ENTPD5: variants seen among roughly 807,000 people sequenced by gnomAD.
ENTPD5 encodes nucleoside diphosphate phosphatase ENTPD5.
In ENTPD5, 49 loss-of-function variants were observed where a neutral mutation model predicts 60.2. The ratio of observed to expected loss-of-function variants is 0.81; its 90% CI spans 0.65 to 1.03. ENTPD5 has a LOEUF of 1.03. Among genes scored for constraint, ENTPD5 ranks in the 50% least tolerant of loss-of-function variants. The pLI is 0.00. For missense variants in ENTPD5, 480 were observed against 507.6 expected (o/e 0.95, Z 0.52); for synonymous variants, 187 against 185.4 (o/e 1.01, Z -0.07).
intron 3 of ENTPD5, among the ~76,000 whole-genome samples, chr14:73,993,189 T>C (rs1269636166): frequency 6.6e-6 from 1 of 151,848 alleles, no homozygotes; most frequent in African/African-American, 2.4e-5. Flanking sequence ...GTACAAAAAT[T>C]AGTTGGACGT....
At chr14:73,976,998 T>C in intron 8 of ENTPD5, 26 bp downstream of exon 8, 1 of 1,593,238 alleles carries the variant, frequency 6.3e-7, no homozygotes, top group Non-Finnish European at 8.6e-7. Flanking sequence ...AGTTAAGCTC[T>C]AAAGATAAAC....
chr14:73,968,962 G>A (rs1461567136), intron 15 of ENTPD5, among the ~76,000 whole-genome samples: 2 of 152,178 alleles, frequency 1.3e-5, no homozygotes, highest in Non-Finnish European at 2.9e-5. Flanking sequence ...TTAAATATAC[G>A]AGGCACACAT....
At chr14:73,961,807 A>C, downstream of ENTPD5, 1 of 1,614,194 alleles carries the variant, frequency 6.2e-7, no homozygotes, top group Non-Finnish European at 8.5e-7. Flanking sequence ...TGGCTGCTAC[A>C]GACTTACTAA....
At chr14:73,958,592 A>AT, downstream of ENTPD5, 1 of 1,288,642 alleles carries the variant, frequency 7.8e-7, no homozygotes, top group Non-Finnish European at 9.9e-7. Context: ...CTTGCCTCTC[A>AT]TTTTTCTCCT....
intron 14 of ENTPD5, among the ~76,000 whole-genome samples, chr14:73,971,447 G>A (rs141757335): frequency 0.014 from 2,066 of 152,228 alleles, 44 homozygotes; most frequent in African/African-American, 0.047. Context: ...GTGAGCCACC[G>A]TGCCCGGCCT....
At chr14:73,987,274 T>C in intron 4 of ENTPD5, 1 of 638,232 alleles carries the variant, frequency 1.6e-6, no homozygotes. Flanking sequence ...CTGAATATTA[T>C]GGATCCCTGG....
At chr14:73,957,594 C>T (rs933896535), downstream of ENTPD5, among the ~76,000 whole-genome samples, 13 of 152,124 alleles carry the variant, frequency 8.5e-5, no homozygotes, top group African/African-American at 3.1e-4. Context: ...CGCACCATCA[C>T]GCCTGGTTAA....
intron 3 of ENTPD5, 30 bp from the exon 4 acceptor site, chr14:73,988,202 C>CAAGCTAGGTGT: frequency 1.4e-6 from 2 of 1,468,680 alleles, no homozygotes; most frequent in Non-Finnish European, 1.8e-6. Context: ...CAAGTTAGAC[C>CAAGCTAGGTGT]AACTAGCTTT....
downstream of ENTPD5, chr14:73,958,147 A>AC: frequency 1.2e-6 from 2 of 1,613,770 alleles, no homozygotes; most frequent in Non-Finnish European, 1.7e-6. Context: ...ACCTCCCCAG[A>AC]CCGAGTGACG....
In ENTPD5 at chr14:73,963,340, T is replaced by C; in HGVS notation, c.*3588A>G. ...TTTACATTTTGTTTTTGTTTTAATG[T>C]TGGTCATAAATTTATACAGTTGTTT... is the stretch of plus-strand genomic sequence containing the variant. On this transcript the variant is annotated 3_prime_UTR_variant, in exon 16 of 16. Transcript: ENST00000334696. 1 of 430,736 alleles carries C rather than the reference T, an allele frequency of 2.3e-6. No individual in the cohort carries two copies. Among genetic ancestry groups the C allele is most frequent in the South Asian group, 4.3e-5 (1 of 23,382 alleles). 26.7% of individuals were successfully genotyped at this position (430,736 alleles called of 1,614,324 possible). A position where few individuals can be genotyped will look rare whatever the true frequency, so the allele number is the denominator to read the frequency against.
At chr14:73,993,921 C>CAAAAAAAAAAAA in intron 3 of ENTPD5, among the ~76,000 whole-genome samples, 1 of 93,272 alleles carries the variant, frequency 1.1e-5, no homozygotes, top group Non-Finnish European at 2.6e-5. Flanking sequence ...CACGAAAAAA[C>CAAAAAAAAAAAA]AAACAAAAAA....
At chr14:74,017,878 CTT>C (rs923723494) in intron 1 of ENTPD5, among the ~76,000 whole-genome samples, 1 of 141,744 alleles carries the variant, frequency 7.1e-6, no homozygotes, top group Non-Finnish European at 1.5e-5. Flanking sequence ...GAGCAAAACT[CTT>C]GTCTCAAAAA....
chr14:74,002,194 C>T (rs180884576), intron 3 of ENTPD5, among the ~76,000 whole-genome samples: 9 of 152,164 alleles, frequency 5.9e-5, no homozygotes, highest in South Asian at 4.1e-4. Flanking sequence ...AAGACCACAT[C>T]GTAGTTAAAT....
chr14:73,970,642 T>G (rs1330280050), intron 14 of ENTPD5, among the ~76,000 whole-genome samples: 3 of 152,180 alleles, frequency 2.0e-5, no homozygotes, highest in African/African-American at 7.2e-5. Flanking sequence ...TGATTATCTA[T>G]TCACATTTAC....
At chr14:73,970,352 CGTG>C (rs2057170374) in intron 14 of ENTPD5, among the ~76,000 whole-genome samples, 1 of 151,900 alleles carries the variant, frequency 6.6e-6, no homozygotes, top group South Asian at 2.1e-4. Context: ...ATTAGCAGGG[CGTG>C]GTGGTGTACC....
At chr14:73,974,232 T>C (rs2057345965) in intron 11 of ENTPD5, among the ~76,000 whole-genome samples, 1 of 152,198 alleles carries the variant, frequency 6.6e-6, no homozygotes. Context: ...GAGGGGTCCA[T>C]GGCTTTCATC....
At chr14:73,959,584 T>G (rs529563107), downstream of ENTPD5, 175 of 1,610,086 alleles carry the variant, frequency 1.1e-4, no homozygotes, top group African/African-American at 1.3e-3. Context: ...AGGTGTTGTT[T>G]TTTTTTTTTT....
chr14:73,970,099 AGGT>A lies in ENTPD5; in HGVS notation c.1108_1110del (p.Thr370del). On this transcript the variant is annotated inframe_deletion, in exon 15 of 16. Coordinates refer to ENST00000334696, the MANE Select transcript of ENTPD5 (RefSeq NM_001249.5). ...TCCATGCACAGGAAAGGACTGCCTG[AGGT>A]GAAGTTTTCCAAGTTATCACACACT... The A allele has an allele frequency of 6.2e-7, 1 of 1,613,816 alleles. No homozygotes were observed. Among genetic ancestry groups the A allele is most frequent in the South Asian group, 1.1e-5 (1 of 91,080 alleles).
At chr14:73,992,665 C>T (rs1348064363) in intron 3 of ENTPD5, among the ~76,000 whole-genome samples, 3 of 133,410 alleles carry the variant, frequency 2.2e-5, no homozygotes, top group African/African-American at 5.8e-5. Context: ...GCCTAGGCGA[C>T]GGAACAAGAC....
Sources: allele counts gnomAD v4.1 joint callset (sites outside exome capture counted in the v4.1 genomes callset), GRCh38; gene constraint gnomAD v4.1.1; transcripts MANE v1.5; gene names NCBI Gene and HGNC (gene_info 2026-07-23, HGNC 2026-07-21).